Variants in TNS3 observed in about 807,000 individuals in gnomAD.
TNS3 encodes tensin 3.
Under a neutral mutation model 140.9 loss-of-function variants are expected in TNS3, and 45 were observed. The observed-to-expected ratio is 0.32, with a 90% CI of 0.25 to 0.41. TNS3 has a LOEUF of 0.41. TNS3 is among the 10% of genes least tolerant of loss of function. The pLI, the probability that TNS3 is intolerant of heterozygous loss-of-function variation, is 1.00. For synonymous variants in TNS3, 815 were observed against 788.4 expected (o/e 1.03, Z -0.56); for missense variants, 1,716 against 1,906.7 (o/e 0.90, Z 1.86).
At chr7:47,445,972 A>T (rs1795707785) in intron 4 of TNS3, among the ~76,000 whole-genome samples, 1 of 152,256 alleles carries the variant, frequency 6.6e-6, no homozygotes, top group Admixed American at 6.5e-5. Flanking sequence ...CTGAGAAACT[A>T]ACTTGCTATA....
chr7:47,522,314 C>T (rs1403042342), intron 2 of TNS3, among the ~76,000 whole-genome samples: 1 of 152,192 alleles, frequency 6.6e-6, no homozygotes, highest in African/African-American at 2.4e-5. Flanking sequence ...ATCTGCCCAC[C>T]TCTGAGCCGC....
chr7:47,470,837 G>T (rs1010682464), intron 4 of TNS3, among the ~76,000 whole-genome samples: 1 of 152,162 alleles, frequency 6.6e-6, no homozygotes, highest in African/African-American at 2.4e-5. Flanking sequence ...CACCTGCAGA[G>T]GTGGGACAAT....
rs760110107 is a variant in TNS3, at chr7:47,400,875, C to T, written c.763G>A (p.Asp255Asn). The change falls in exon 14 of 31, where the codon GAC becomes AAC. Residue 255 changes from aspartate to asparagine, a missense_variant. Physicochemically the swap from Asp to Asn is conservative, Grantham distance 23 (BLOSUM62 1). Coordinates refer to ENST00000311160, the MANE Select transcript of TNS3 (RefSeq NM_022748.12). The stretch of plus-strand genomic sequence containing the variant: ...TGAAACTGCAGGCGGAAAATGACGT[C>T]ACGGGTGGCCGAGCGGTATTTCTTG... ...YHKKYRSATR[D>N]VIFRLQFHTG... The T allele has an allele frequency of 6.2e-7, 1 of 1,614,234 alleles. No homozygotes were observed. Among genetic ancestry groups the T allele is most frequent in the Non-Finnish European group, 8.5e-7 (1 of 1,180,048 alleles).
At chr7:47,433,883 ATCTCTCTCTCTCTC>A (rs55743320) in intron 8 of TNS3, among the ~76,000 whole-genome samples, 5,198 of 149,536 alleles carry the variant, frequency 0.035, 266 homozygotes, top group African/African-American at 0.12. Context: ...CCGTCTGTCT[ATCTCTCTCTCTCTC>A]TCTCTCTCTC....
At chr7:47,530,888 C>T (rs1347328782) in intron 1 of TNS3, among the ~76,000 whole-genome samples, 2 of 139,086 alleles carry the variant, frequency 1.4e-5, no homozygotes, top group Non-Finnish European at 3.1e-5. Flanking sequence ...ACAGGAACTA[C>T]CCCAAGGCAT....
intron 1 of TNS3, among the ~76,000 whole-genome samples, chr7:47,576,765 G>A (rs1441710783): frequency 1.3e-5 from 2 of 152,226 alleles, no homozygotes; most frequent in Non-Finnish European, 2.9e-5. Flanking sequence ...GGCTCCAAGT[G>A]AGTGAAATGT....
chr7:47,342,819 T>C (rs920863494), intron 20 of TNS3, among the ~76,000 whole-genome samples: 1 of 152,228 alleles, frequency 6.6e-6, no homozygotes, highest in Non-Finnish European at 1.5e-5. Flanking sequence ...ACCTCTGTTA[T>C]TACTGTGCCC....
intron 2 of TNS3, among the ~76,000 whole-genome samples, chr7:47,511,890 C>T (rs1464840067): frequency 6.6e-6 from 1 of 152,224 alleles, no homozygotes; most frequent in Non-Finnish European, 1.5e-5. Flanking sequence ...CTGCAGAAGA[C>T]ACATGCCCTG....
chr7:47,564,546 G>A (rs1379001320), intron 1 of TNS3, among the ~76,000 whole-genome samples: 1 of 147,712 alleles, frequency 6.8e-6, no homozygotes, highest in Non-Finnish European at 1.5e-5. Flanking sequence ...TGAGGCAGGA[G>A]AATAGCTTGA....
chr7:47,396,785 G>C lies in TNS3; in HGVS notation c.1024+15C>G, dbSNP rs1424185623. 4 of 1,602,442 alleles carry C rather than the reference G, an allele frequency of 2.5e-6. No homozygotes were observed. Among genetic ancestry groups the C allele is most frequent in the Non-Finnish European group, 3.4e-6 (4 of 1,169,484 alleles). On this transcript the variant is annotated intron_variant, in intron 16 of 30. Transcript: ENST00000311160. The stretch of plus-strand genomic sequence containing the variant: ...CCTTTGCCTCCATAACTGCACACAA[G>C]ATGAACACACGCACCTTCTCCATCT...
At chr7:47,278,356 C>T in intron 30 of TNS3, 136 bp from the exon 31 acceptor site, 2 of 954,754 alleles carry the variant, frequency 2.1e-6, no homozygotes, top group South Asian at 3.5e-5. Context: ...GCCCAGCACC[C>T]TGCTGGCCAC....
chr7:47,507,808 G>T (rs1296940181), intron 2 of TNS3, among the ~76,000 whole-genome samples: 1 of 152,100 alleles, frequency 6.6e-6, no homozygotes, highest in African/African-American at 2.4e-5. Flanking sequence ...AGGGAACGTC[G>T]GGTACATGCC....
At chr7:47,446,835 T>C (rs1197469692) in intron 4 of TNS3, among the ~76,000 whole-genome samples, 1 of 151,190 alleles carries the variant, frequency 6.6e-6, no homozygotes, top group Non-Finnish European at 1.5e-5. Flanking sequence ...TGGGACTACA[T>C]GCATGTACCA....
At chr7:47,343,045 T>C (rs1401936014) in intron 20 of TNS3, among the ~76,000 whole-genome samples, 2 of 152,234 alleles carry the variant, frequency 1.3e-5, no homozygotes, top group Non-Finnish European at 2.9e-5. Context: ...ATGTCACCTT[T>C]TTATATTTAA....
intron 5 of TNS3, 73 bp from the exon 6 acceptor site, chr7:47,439,731 G>A: frequency 4.7e-6 from 7 of 1,504,410 alleles, no homozygotes; most frequent in Non-Finnish European, 6.3e-6. Flanking sequence ...GGAAAAAGGT[G>A]AAGACGACGG....
intron 8 of TNS3, among the ~76,000 whole-genome samples, chr7:47,434,724 G>A (rs1247314627): frequency 1.3e-5 from 2 of 152,194 alleles, no homozygotes; most frequent in Non-Finnish European, 2.9e-5. Flanking sequence ...TATGCACCTG[G>A]GCTGCTGGCA....
rs78596305 is a variant in TNS3, at chr7:47,541,214, C to A, written c.-264-12067G>T. On this transcript the variant is annotated intron_variant, in intron 1 of 30. Coordinates refer to ENST00000311160, the MANE Select transcript of TNS3 (RefSeq NM_022748.12). ...GGGAGGCACCTTCGGGAGGAGCTTG[C>A]TAGTCTAGAATGGGGGACATTATAG... Among the ~76,000 whole-genome samples the A allele has an allele frequency of 4.2e-3, 643 of 152,264 alleles. 6 individuals carry two copies. Among genetic ancestry groups the A allele is most frequent in the African/African-American group, 0.015 (620 of 41,562 alleles).
rs1034029366 is a variant in TNS3, at chr7:47,289,610, CA to C, written c.3928+2344del. ...TGCTTTCCTACAGACCAGCAATAAA[CA>C]AGTAAAATTTGAAATTAAATACACA... On this transcript the variant is annotated intron_variant, in intron 27 of 30. Coordinates refer to ENST00000311160, the MANE Select transcript of TNS3 (RefSeq NM_022748.12). Among the ~76,000 whole-genome samples the C allele has an allele frequency of 5.9e-5, 9 of 152,276 alleles. No homozygotes were observed. In the Middle Eastern group the frequency reaches 0.014, roughly 230 times the overall value.
intron 20 of TNS3, among the ~76,000 whole-genome samples, chr7:47,326,704 C>T (rs956599683): frequency 6.6e-6 from 1 of 152,196 alleles, no homozygotes; most frequent in African/African-American, 2.4e-5. Context: ...CCTAACCAGA[C>T]AATCTCTAAT....
Sources: allele counts gnomAD v4.1 joint callset (sites outside exome capture counted in the v4.1 genomes callset), GRCh38; gene constraint gnomAD v4.1.1; transcripts MANE v1.5; gene names NCBI Gene and HGNC (gene_info 2026-07-23, HGNC 2026-07-21).